Variants in KLF17 observed in about 807,000 individuals in gnomAD.
KLF17 encodes the protein Krueppel-like factor 17.
KLF17 carries 31 observed loss-of-function variants against 34.2 expected under a neutral mutation model. That is an observed-to-expected ratio of 0.91 (90% confidence interval 0.68 to 1.22). The LOEUF (loss-of-function observed/expected upper bound fraction) is 1.22, where lower values mean the gene tolerates loss of function less well. Among genes scored for constraint, KLF17 ranks in the 50% most tolerant of loss-of-function variants. The pLI is 0.00. For missense variants in KLF17, 478 were observed against 505.2 expected (o/e 0.95, Z 0.52); for synonymous variants, 179 against 186.7 (o/e 0.96, Z 0.34).
chr1:44,125,671 T>C (rs2087999228), intron 1 of KLF17, among the ~76,000 whole-genome samples: 1 of 152,190 alleles, frequency 6.6e-6, no homozygotes, highest in African/African-American at 2.4e-5. Context: ...TTTCACTATG[T>C]TGGCCAGGCT....
chr1:44,104,925 G>T, the KLF17 span: 9 of 156,078 alleles, frequency 5.8e-5, no homozygotes, highest in Non-Finnish European at 9.9e-5. Context: ...AGGCAGCATA[G>T]CCAAACCCTG....
chr1:44,082,712 CT>C, the KLF17 span, among the ~76,000 whole-genome samples: 1 of 152,314 alleles, frequency 6.6e-6, no homozygotes, highest in East Asian at 1.9e-4. Flanking sequence ...CATTTTGAAA[CT>C]TTTCTTGATC....
At chr1:44,078,324 A>G in the KLF17 span, among the ~76,000 whole-genome samples, 1 of 152,162 alleles carries the variant, frequency 6.6e-6, no homozygotes, top group African/African-American at 2.4e-5. Flanking sequence ...AGACCTTGTA[A>G]ACATTTCTGC....
the KLF17 span, among the ~76,000 whole-genome samples, chr1:44,093,477 C>T: frequency 6.6e-6 from 1 of 152,184 alleles, no homozygotes; most frequent in Admixed American, 6.5e-5. Flanking sequence ...CCACTGCAAC[C>T]TCTGCCTCCT....
At chr1:44,048,532 G>T in the KLF17 span, 1 of 152,192 alleles carries the variant, frequency 6.6e-6, no homozygotes, top group Non-Finnish European at 1.5e-5. Flanking sequence ...CTTTGGAGAA[G>T]GTACTGCACT....
the KLF17 span, among the ~76,000 whole-genome samples, chr1:44,083,781 G>A: frequency 6.3e-5 from 8 of 126,638 alleles, no homozygotes; most frequent in South Asian, 2.8e-4. Context: ...GAGACACAGC[G>A]AGACTCTGTC....
At chr1:44,085,114 A>G in the KLF17 span, among the ~76,000 whole-genome samples, 4 of 151,590 alleles carry the variant, frequency 2.6e-5, no homozygotes, top group African/African-American at 9.7e-5. Context: ...ATGTGTGTGT[A>G]TATATATGTG....
intron 1 of KLF17, among the ~76,000 whole-genome samples, chr1:44,121,153 G>A (rs1032070697): frequency 1.3e-5 from 2 of 152,152 alleles, no homozygotes; most frequent in African/African-American, 2.4e-5. Context: ...TCTTGGTGCT[G>A]TTGTCCAGGC....
the KLF17 span, chr1:44,103,310 T>C: frequency 1.4e-6 from 1 of 729,032 alleles, no homozygotes; most frequent in African/African-American, 1.7e-5. Flanking sequence ...GGCTGTTCAC[T>C]TGGGCAGGAC....
the KLF17 span, among the ~76,000 whole-genome samples, chr1:44,067,549 T>G: frequency 6.6e-6 from 1 of 152,036 alleles, no homozygotes; most frequent in Non-Finnish European, 1.5e-5. Flanking sequence ...GCTAAGCAAG[T>G]GTGTGGATAC....
rs142694069 is a variant in KLF17 at position 44,120,498 on chromosome 1, G to A, written c.81+1510G>A. ...TCTAAGAAGGGTGTGGCCAGTGGTC[G>A]TATAAGCTCCTGAGAGTTCAAGCGA... On this transcript the variant is annotated intron_variant, in intron 1 of 3. Coordinates refer to ENST00000372299, the MANE Select transcript of KLF17 (RefSeq NM_173484.4). 5.6e-4 allele frequency among the ~76,000 whole-genome samples: 85 copies of A among 152,188 alleles called. 1 individual carries two copies. Among genetic ancestry groups the A allele is most frequent in the Non-Finnish European group, 9.3e-4 (63 of 68,032 alleles).
the KLF17 span, among the ~76,000 whole-genome samples, chr1:44,110,972 A>G: frequency 6.6e-6 from 1 of 151,988 alleles, no homozygotes; most frequent in African/African-American, 2.4e-5. Context: ...AAAATAATTT[A>G]GTTAAACGCA....
the KLF17 span, among the ~76,000 whole-genome samples, chr1:44,095,210 CTTTTTTT>C: frequency 1.0e-4 from 12 of 119,340 alleles, no homozygotes; most frequent in African/African-American, 2.9e-4. Flanking sequence ...CTATTTATAT[CTTTTTTT>C]TTTTTTTTTT....
chr1:44,121,713 T>G (rs1182311129), intron 1 of KLF17, among the ~76,000 whole-genome samples: 1 of 152,254 alleles, frequency 6.6e-6, no homozygotes, highest in Non-Finnish European at 1.5e-5. Flanking sequence ...AAGTTATGAT[T>G]AGATCTTACA....
Position 44,127,722 on chromosome 1 carries a change from CTTTCTTTCTTCTCT to C in KLF17, c.82-1606_82-1593del, listed in dbSNP as rs1435982561. 3.5e-4 allele frequency among the ~76,000 whole-genome samples: 40 copies of C among 113,498 alleles called. 1 individual carries two copies. Among genetic ancestry groups the C allele is most frequent in the Non-Finnish European group, 5.4e-4 (31 of 57,208 alleles). The allele number at this position is 113,498 out of a possible 152,430, so 74.5% of individuals were successfully genotyped here. A position where few individuals can be genotyped will look rare whatever the true frequency, so the allele number is the denominator to read the frequency against. On this transcript the variant is annotated intron_variant, in intron 1 of 3. Coordinates refer to ENST00000372299, the MANE Select transcript of KLF17 (RefSeq NM_173484.4). Reference sequence around the variant, plus strand: ...TTTCTTTCTTTCTTTCTTCTCTTTTCTTTCTTTCTTCTCTTTTCTTTCTTCTCTTTTCTTTCTTT... The same window carrying C: ...TTTCTTTCTTTCTTTCTTCTCTTTTCTTTCTTTCTTCTCTTTTCTTTCTTT...
the KLF17 span, among the ~76,000 whole-genome samples, chr1:44,055,901 A>T: frequency 6.6e-6 from 1 of 152,192 alleles, no homozygotes; most frequent in African/African-American, 2.4e-5. Flanking sequence ...AGGGCAGTTA[A>T]TGAGATAGTA....
the KLF17 span, chr1:44,044,011 G>A: frequency 6.6e-6 from 1 of 152,576 alleles, no homozygotes; most frequent in African/African-American, 2.4e-5. Context: ...CAGGGGCCTT[G>A]GTAGGTGCCA....
At chr1:44,107,434 C>T in the KLF17 span, among the ~76,000 whole-genome samples, 2 of 152,164 alleles carry the variant, frequency 1.3e-5, no homozygotes, top group Admixed American at 6.5e-5. Flanking sequence ...ACAGTAGTCC[C>T]TCCTCCTGTA....
chr1:44,048,148 A>G, the KLF17 span: 1 of 152,182 alleles, frequency 6.6e-6, no homozygotes, highest in African/African-American at 2.4e-5. Context: ...GCTAATGGCA[A>G]TGGCCCAGAG....
Sources: gnomAD v4.1 joint callset for allele counts (sites outside exome capture counted in the v4.1 genomes callset) on GRCh38, gnomAD v4.1.1 for gene constraint, MANE v1.5 for transcripts, NCBI Gene and HGNC (gene_info 2026-07-23, HGNC 2026-07-21) for gene names.